KCNT2: variants seen among roughly 807,000 people sequenced by gnomAD.
KCNT2 encodes the protein potassium channel subfamily T member 2.
Under a neutral mutation model 153.8 loss-of-function variants are expected in KCNT2, and 67 were observed. That is an observed-to-expected ratio of 0.44 (90% confidence interval 0.36 to 0.53). KCNT2 has a LOEUF of 0.53. Among genes scored for constraint, KCNT2 ranks in the 20% least tolerant of loss-of-function variants. The pLI, the probability that KCNT2 is intolerant of heterozygous loss-of-function variation, is 0.00. For synonymous variants in KCNT2, 500 were observed against 458.8 expected, an observed-to-expected ratio of 1.09 and a Z score of -1.15; for missense variants, 975 against 1,354.8, an observed-to-expected ratio of 0.72 and a Z score of 4.40.
chr1:196,334,383 T>C (rs1316561200), intron 16 of KCNT2, among the ~76,000 whole-genome samples: 1 of 151,836 alleles, frequency 6.6e-6, no homozygotes, highest in East Asian at 1.9e-4. Flanking sequence ...TTTCAATTTA[T>C]ATTTATTTAA....
At chr1:196,240,019 G>A (rs1019731611) in intron 26 of KCNT2, among the ~76,000 whole-genome samples, 1 of 152,030 alleles carries the variant, frequency 6.6e-6, no homozygotes, top group African/African-American at 2.4e-5. Context: ...CTTGATGTTG[G>A]ACTTCCATCT....
At chr1:196,534,449 A>G (rs1655305840) in intron 1 of KCNT2, among the ~76,000 whole-genome samples, 1 of 152,272 alleles carries the variant, frequency 6.6e-6, no homozygotes, top group African/African-American at 2.4e-5. Context: ...AGTATTTGCT[A>G]GAGTTGGGGA....
chr1:196,249,823 G>A (rs1655793314), intron 26 of KCNT2, among the ~76,000 whole-genome samples: 1 of 151,434 alleles, frequency 6.6e-6, no homozygotes, highest in Non-Finnish European at 1.5e-5. Context: ...TGAACAATCT[G>A]ATAAAATCAA....
chr1:196,301,907 T>C (rs1333540364), intron 22 of KCNT2, among the ~76,000 whole-genome samples: 4 of 152,066 alleles, frequency 2.6e-5, no homozygotes, highest in African/African-American at 9.7e-5. Context: ...GCCTGGCTGA[T>C]TTTTGTATTA....
At chr1:196,488,455 G>A (rs1010565691) in intron 3 of KCNT2, among the ~76,000 whole-genome samples, 3 of 151,186 alleles carry the variant, frequency 2.0e-5, no homozygotes, top group Admixed American at 6.6e-5. Flanking sequence ...TTACATAGAA[G>A]TTAATTGTAG....
At chr1:196,416,876 T>C (rs1672799400) in intron 12 of KCNT2, among the ~76,000 whole-genome samples, 1 of 152,002 alleles carries the variant, frequency 6.6e-6, no homozygotes, top group Non-Finnish European at 1.5e-5. Context: ...ATTCATTCTA[T>C]TTTATTTTGT....
chr1:196,469,127 G>A (rs1178017918), intron 5 of KCNT2, 59 bp from the exon 6 acceptor site: 3 of 916,548 alleles, frequency 3.3e-6, no homozygotes, highest in Non-Finnish European at 3.5e-6. Flanking sequence ...ATTAAAGGGG[G>A]AAAAAGACAG....
rs572946371 is a variant in KCNT2 at position 196,297,004 on chromosome 1, C to T, written c.2595+8230G>A. Among the ~76,000 whole-genome samples, 171 of 152,096 alleles carry T rather than the reference C, an allele frequency of 1.1e-3. 1 individual carries two copies. Among genetic ancestry groups the T allele is most frequent in the African/African-American group, 3.9e-3 (164 of 41,526 alleles). ...ATTTTAACATTTCAAAAAGAAAGCA[C>T]ACCCAAAAGTAACCTTTGTCATCCT... On this transcript the variant is annotated intron_variant, in intron 22 of 27. Coordinates refer to ENST00000294725, the MANE Select transcript of KCNT2 (RefSeq NM_198503.5).
intron 12 of KCNT2, among the ~76,000 whole-genome samples, chr1:196,413,053 G>A (rs982748664): frequency 6.6e-6 from 1 of 151,618 alleles, no homozygotes; most frequent in Non-Finnish European, 1.5e-5. Flanking sequence ...TCTTTTAAGG[G>A]ATAAACTAGG....
intron 1 of KCNT2, among the ~76,000 whole-genome samples, chr1:196,555,413 A>G (rs1450473872): frequency 1.3e-5 from 2 of 151,426 alleles, no homozygotes; most frequent in Admixed American, 1.3e-4. Context: ...AGTCACAAAT[A>G]TAATTCAATA....
intron 1 of KCNT2, among the ~76,000 whole-genome samples, chr1:196,508,819 CTTA>C (rs1382695299): frequency 2.0e-5 from 3 of 152,102 alleles, no homozygotes; most frequent in Non-Finnish European, 4.4e-5. Context: ...CAAAGATTTC[CTTA>C]TTATCAGTGG....
intron 1 of KCNT2, among the ~76,000 whole-genome samples, chr1:196,504,395 C>T (rs963922148): frequency 1.3e-5 from 2 of 152,050 alleles, no homozygotes; most frequent in Non-Finnish European, 2.9e-5. Context: ...TCATCCATGT[C>T]CCTACAAAGG....
chr1:196,517,152 C>A (rs1045162977), intron 1 of KCNT2, among the ~76,000 whole-genome samples: 1 of 152,188 alleles, frequency 6.6e-6, no homozygotes, highest in Admixed American at 6.5e-5. Flanking sequence ...AGAGCACCCA[C>A]CTCACAGAAA....
At chr1:196,299,619 C>G (rs577146635) in intron 22 of KCNT2, among the ~76,000 whole-genome samples, 17 of 152,036 alleles carry the variant, frequency 1.1e-4, no homozygotes, top group African/African-American at 3.9e-4. Flanking sequence ...AGCAAGGATG[C>G]AGAGAAACGG....
Position 196,272,455 on chromosome 1 carries a change from A to G in KCNT2, c.2910+8405T>C, listed in dbSNP as rs985695319. Among the ~76,000 whole-genome samples, 3 of 151,964 alleles carry G rather than the reference A, an allele frequency of 2.0e-5. No homozygotes were observed. The South Asian group carries it at 6.2e-4, about 31-fold the overall frequency. On this transcript the variant is annotated intron_variant, in intron 25 of 27. Coordinates refer to ENST00000294725, the MANE Select transcript of KCNT2 (RefSeq NM_198503.5). ...AACCTTTTTTTTGCTTATGTATCTT[A>G]AGTACTTACCTGGATGCATTTGGTG...
chr1:196,563,194 A>G (rs887706768), intron 1 of KCNT2, among the ~76,000 whole-genome samples: 3 of 152,028 alleles, frequency 2.0e-5, no homozygotes, highest in African/African-American at 7.2e-5. Context: ...AAAGAAAGAC[A>G]GAGTATTTTT....
chr1:196,395,619 C>CTTCT (rs1670871441), intron 13 of KCNT2, among the ~76,000 whole-genome samples: 1 of 151,462 alleles, frequency 6.6e-6, no homozygotes, highest in Non-Finnish European at 1.5e-5. Flanking sequence ...AAAACTCGAG[C>CTTCT]TTAAAGACTT....
At chr1:196,405,310 A>T (rs1031411648) in intron 12 of KCNT2, among the ~76,000 whole-genome samples, 1 of 151,508 alleles carries the variant, frequency 6.6e-6, no homozygotes, top group African/African-American at 2.4e-5. Flanking sequence ...TGCTGTAATA[A>T]TAAAGGTAGG....
At chr1:196,307,193 G>A (rs1213103742) in intron 21 of KCNT2, among the ~76,000 whole-genome samples, 1 of 152,072 alleles carries the variant, frequency 6.6e-6, no homozygotes, top group Non-Finnish European at 1.5e-5. Flanking sequence ...AGCAAAGCAT[G>A]AAGCTAGTGG....
Sources: gnomAD v4.1 joint callset for allele counts (sites outside exome capture counted in the v4.1 genomes callset) on GRCh38, gnomAD v4.1.1 for gene constraint, MANE v1.5 for transcripts, NCBI Gene and HGNC (gene_info 2026-07-23, HGNC 2026-07-21) for gene names.